TVP23A: variants seen among roughly 807,000 people sequenced by gnomAD.
The protein encoded by TVP23A is trans-golgi network vesicle protein 23 homolog A, also known as Golgi apparatus membrane protein TVP23 homolog A.
TVP23A carries 21 observed loss-of-function variants against 31.7 expected under a neutral mutation model. That is an observed-to-expected ratio of 0.66 (90% CI 0.47 to 0.95). The LOEUF (loss-of-function observed/expected upper bound fraction) is 0.95. Ranked by LOEUF, TVP23A falls within the 40% of genes least tolerant of loss-of-function variation. The pLI, the probability that TVP23A is intolerant of heterozygous loss-of-function variation, is 0.00. For missense variants in TVP23A, 279 were observed against 255.6 expected (o/e 1.09, Z -0.62); for synonymous variants, 104 against 96.0 (o/e 1.08, Z -0.49).
chr16:10,782,461 C>G (rs1174945892), intron 2 of TVP23A, among the ~76,000 whole-genome samples: 1 of 152,074 alleles, frequency 6.6e-6, no homozygotes, highest in Non-Finnish European at 1.5e-5. Flanking sequence ...AGTTGCTGCT[C>G]ACCTGTGTCA....
intron 2 of TVP23A, among the ~76,000 whole-genome samples, chr16:10,816,031 G>A (rs564152457): frequency 6.6e-6 from 1 of 152,116 alleles, no homozygotes; most frequent in East Asian, 1.9e-4. Flanking sequence ...AGATCAGCCT[G>A]GACAACATAC....
intron 2 of TVP23A, among the ~76,000 whole-genome samples, chr16:10,816,637 T>C (rs907783877): frequency 4.6e-5 from 7 of 152,032 alleles, no homozygotes; most frequent in Admixed American, 3.3e-4. Context: ...GCACTCAGCC[T>C]ATAATTAAGG....
Position 10,777,366 on chromosome 16 carries a change from GT to G in TVP23A, c.90-2271del, listed in dbSNP as rs2032102828. On this transcript the variant is annotated intron_variant, in intron 2 of 7. Transcript: ENST00000299866. This position sits in a 1 kb window ranked among gnomAD's most constrained non-coding sequence, Gnocchi z 4.5. ...TGTGTTTCTCACTGGCCTGCGAGCA[GT>G]GAGCTTGCAACCTCTGGATTAGGTT... 6.6e-6 allele frequency among the ~76,000 whole-genome samples: 1 copy of G among 152,160 alleles called. No homozygotes were observed. The highest frequency in any genetic ancestry group is 1.5e-5 in the Non-Finnish European group (1 of 68,030).
chr16:10,773,004 G>A (rs111637211), intron 5 of TVP23A, among the ~76,000 whole-genome samples: 101 of 151,938 alleles, frequency 6.6e-4, no homozygotes, highest in African/African-American at 2.1e-3. Context: ...CATCATGCCT[G>A]GCTAATTTTT....
chr16:10,769,254 C>T lies in TVP23A; in HGVS notation c.*1-153G>A, dbSNP rs2031348643. ...GTCCGAAGCCACTTTCTCAGAGACA[C>T]TTTAATCATTGAGTATTTGTACACT... On this transcript the variant is annotated intron_variant, in intron 7 of 7. Transcript: ENST00000299866. The T allele has an allele frequency of 6.3e-6, 4 of 630,836 alleles. No homozygotes were observed. The South Asian group carries it at 7.6e-5, about 12-fold the overall frequency. 39.1% of individuals were successfully genotyped at this position (630,836 alleles called of 1,614,324 possible). A position where few individuals can be genotyped will look rare whatever the true frequency, so the allele number is the denominator to read the frequency against.
At chr16:10,791,319 C>A (rs1232968717) in intron 2 of TVP23A, among the ~76,000 whole-genome samples, 2 of 152,288 alleles carry the variant, frequency 1.3e-5, no homozygotes, top group African/African-American at 4.8e-5. Flanking sequence ...CACCCACTTA[C>A]ACTCAGGTGG....
intron 2 of TVP23A, among the ~76,000 whole-genome samples, chr16:10,786,575 T>C (rs1452435889): frequency 6.6e-6 from 1 of 152,182 alleles, no homozygotes; most frequent in African/African-American, 2.4e-5. Context: ...CTTCTCAGTA[T>C]GGCAGGCCTG....
At position 10,818,670 on chromosome 16, in the gene TVP23A, C is replaced by T. The variant is rs1022903232; in HGVS notation, c.-177G>A. 4.2e-6 allele frequency: 3 copies of T among 710,390 alleles called. No individual in the cohort carries two copies. Among genetic ancestry groups the T allele is most frequent in the Non-Finnish European group, 6.3e-6 (3 of 472,644 alleles). The allele number at this position is 710,390 out of a possible 1,614,324, so 44.0% of individuals were successfully genotyped here. A position where few individuals can be genotyped will look rare whatever the true frequency, so the allele number is the denominator to read the frequency against. ...AGCTTCTCGGGTGGGGCGGGGCGCT[C>T]GGGGCCTAAGGCGCAGTCGCAGGCT... On this transcript the variant is annotated 5_prime_UTR_variant, in exon 1 of 8. Transcript: ENST00000299866. This position sits in a 1 kb window ranked among gnomAD's most constrained non-coding sequence, Gnocchi z 4.7.
At chr16:10,784,889 T>C (rs1178161881) in intron 2 of TVP23A, among the ~76,000 whole-genome samples, 3 of 151,806 alleles carry the variant, frequency 2.0e-5, no homozygotes, top group African/African-American at 7.2e-5. Flanking sequence ...TCACCTGAGG[T>C]CAGGAATTCA....
rs370122302 is a variant in TVP23A, at chr16:10,770,360, T to G, written c.583-29A>C. The G allele has an allele frequency of 4.5e-6, 7 of 1,549,688 alleles. No homozygotes were observed. In the African/African-American group the frequency reaches 9.6e-5, roughly 21 times the overall value. ...CAAGGGGAAAAGTCAACCATGGTTT[T>G]CTGTCCTTACACGCGAGTGGGGCGA... is the stretch of plus-strand genomic sequence containing the variant. On this transcript the variant is annotated intron_variant, in intron 6 of 7. Transcript: ENST00000299866.
At chr16:10,785,096 CA>C (rs56109185) in intron 2 of TVP23A, among the ~76,000 whole-genome samples, 1,742 of 76,316 alleles carry the variant, frequency 0.023, 5 homozygotes, top group African/African-American at 0.028. Flanking sequence ...GACTCCGTCT[CA>C]AAAAAAAAAA....
chr16:10,771,349 T>A (rs1230829836), intron 6 of TVP23A, among the ~76,000 whole-genome samples: 2 of 151,768 alleles, frequency 1.3e-5, no homozygotes, highest in Non-Finnish European at 1.5e-5. Context: ...TAGAGCAGCC[T>A]GGGCAACATG....
In TVP23A at chr16:10,771,810, C is replaced by CA; in HGVS notation, c.454-13dup. ...GCAACCACCAGAGCCTGCACTCAGA[C>CA]AAAGAAAGCAAAGGTCACTTTTTTT... On this transcript the variant is annotated splice_polypyrimidine_tract_variant and intron_variant, in intron 5 of 7. Transcript: ENST00000299866. 3 of 1,556,648 alleles carry CA rather than the reference C, an allele frequency of 1.9e-6. No individual in the cohort carries two copies. Among genetic ancestry groups the CA allele is most frequent in the Non-Finnish European group, 2.6e-6 (3 of 1,149,594 alleles).
Position 10,775,242 on chromosome 16 carries a change from T to C in TVP23A, c.90-146A>G, listed in dbSNP as rs1475622049. 1.1e-5 allele frequency: 16 copies of C among 1,453,520 alleles called. No homozygotes were observed. In the Admixed American group the frequency reaches 1.3e-4, roughly 12 times the overall value. The allele number at this position is 1,453,520 out of a possible 1,614,324, so 90.0% of individuals were successfully genotyped here. A position where few individuals can be genotyped will look rare whatever the true frequency, so the allele number is the denominator to read the frequency against. ...GTGCATATGACGCAGAAACTCAGGC[T>C]GTAGCCCTGGGGACACATCATTAGG... is the stretch of plus-strand genomic sequence containing the variant. On this transcript the variant is annotated intron_variant, in intron 2 of 7. Coordinates refer to ENST00000299866, the MANE Select transcript of TVP23A (RefSeq NM_001079512.4).
Position 10,767,086 on chromosome 16 carries a change from G to C in TVP23A, c.*2016C>G, listed in dbSNP as rs2030991088. 2.5e-6 allele frequency: 1 copy of C among 398,640 alleles called. No homozygotes were observed. Among genetic ancestry groups the C allele is most frequent in the Admixed American group, 4.4e-5 (1 of 22,722 alleles). The allele number at this position is 398,640 out of a possible 1,614,324, so 24.7% of individuals were successfully genotyped here. ...AGTGCTAGGTAGGAACCCCTCCTGG[G>C]GTTCACCTGAGGCTGGTGACCGGCC... On this transcript the variant is annotated 3_prime_UTR_variant, in exon 8 of 8. Transcript: ENST00000299866. The surrounding 1 kb of genome is among the most constrained non-coding windows in gnomAD (Gnocchi z 4.6).
At chr16:10,762,432 G>A (rs2030070883), downstream of TVP23A, among the ~76,000 whole-genome samples, 1 of 152,318 alleles carries the variant, frequency 6.6e-6, no homozygotes, top group South Asian at 2.1e-4. Flanking sequence ...GCTGAAGGAG[G>A]GACGGGGTTT....
chr16:10,811,715 T>G (rs1260681302), intron 2 of TVP23A, among the ~76,000 whole-genome samples: 1 of 151,770 alleles, frequency 6.6e-6, no homozygotes, highest in Non-Finnish European at 1.5e-5. Context: ...CCATCCTGGC[T>G]AACATGGTGA....
intron 2 of TVP23A, among the ~76,000 whole-genome samples, chr16:10,780,807 G>A (rs143492330): frequency 5.3e-5 from 8 of 152,016 alleles, no homozygotes; most frequent in East Asian, 3.9e-4. Context: ...TCAGTCCTCC[G>A]TGTCATTCGA....
In TVP23A at chr16:10,818,528, G is replaced by A. The variant is rs769038712; in HGVS notation, c.-35C>T. On this transcript the variant is annotated 5_prime_UTR_variant, in exon 1 of 8. Coordinates refer to ENST00000299866, the MANE Select transcript of TVP23A (RefSeq NM_001079512.4). This position sits in a 1 kb window ranked among gnomAD's most constrained non-coding sequence, Gnocchi z 4.7. ...AGGAGCCCACCTGGCGCCCAGGCCC[G>A]GGGCTCCAGCTCCGCCCGTCGCCGC... 46 of 1,597,948 alleles carry A rather than the reference G, an allele frequency of 2.9e-5. No individual in the cohort carries two copies. Among genetic ancestry groups the A allele is most frequent in the Non-Finnish European group, 3.4e-5 (40 of 1,177,208 alleles).
Sources: gnomAD v4.1 joint callset for allele counts (sites outside exome capture counted in the v4.1 genomes callset) on GRCh38, gnomAD v4.1.1 for gene constraint, Gnocchi (gnomAD v3.1) non-coding constraint, MANE v1.5 for transcripts, NCBI Gene and HGNC (gene_info 2026-07-23, HGNC 2026-07-21) for gene names.